Variants in STARD9 observed in about 807,000 individuals in gnomAD.
The protein encoded by STARD9 is stAR-related lipid transfer protein 9.
In STARD9, 346 loss-of-function variants were observed where a neutral mutation model predicts 399.8. That is an observed-to-expected ratio of 0.87 (90% CI 0.79 to 0.95). STARD9 has a LOEUF of 0.95. STARD9 is among the 40% of genes least tolerant of loss of function. The pLI is 0.00. For missense variants in STARD9, 5,832 were observed against 5,667.5 expected, an observed-to-expected ratio of 1.03 and a Z score of -0.93; for synonymous variants, 2,203 against 2,143.5, an observed-to-expected ratio of 1.03 and a Z score of -0.77.
chr15:42,659,969 A>G (rs2059961466), intron 9 of STARD9, among the ~76,000 whole-genome samples: 2 of 152,248 alleles, frequency 1.3e-5, no homozygotes, highest in African/African-American at 2.4e-5. Flanking sequence ...CAACCTGCAC[A>G]TCCATCAAAA....
rs61735127 is a variant in STARD9, at chr15:42,692,392, C to T, written c.10814C>T (p.Pro3605Leu). ...GCAGACTGTCTGAGGAGTAAGCCCC[C>T]CTTGGCCAAAGGAAGTGCTGCAGGT... ...GEADCLRSKP[P>L]LAKGSAAGPV... Residue 3605 changes from proline to leucine, a missense_variant, in exon 23 of 33, where the codon CCC (proline) becomes CTC (leucine). Transcript: ENST00000290607. The T allele has an allele frequency of 2.6e-6, 4 of 1,536,852 alleles. No individual in the cohort carries two copies. The highest frequency in any genetic ancestry group is 2.7e-5 in the African/African-American group (2 of 73,022).
At chr15:42,668,646 T>G (rs2060148422) in intron 15 of STARD9, among the ~76,000 whole-genome samples, 1 of 152,190 alleles carries the variant, frequency 6.6e-6, no homozygotes, top group Non-Finnish European at 1.5e-5. Flanking sequence ...CCATATAGTC[T>G]TAGTTCCACC....
Position 42,690,597 on chromosome 15 carries a change from A to G in STARD9, c.9019A>G (p.Met3007Val). 1 of 1,537,240 alleles carries G rather than the reference A, an allele frequency of 6.5e-7. No individual in the cohort carries two copies. The highest frequency in any genetic ancestry group is 8.7e-7 in the Non-Finnish European group (1 of 1,146,886). Residue 3007 changes from methionine to valine, a missense_variant, in exon 23 of 33, where the codon ATG becomes GTG. Coordinates refer to ENST00000290607, the MANE Select transcript of STARD9 (RefSeq NM_020759.3). The stretch of plus-strand genomic sequence containing the variant: ...TGTAGTACCTTCCAGGGCCTATGAA[A>G]TGGATGAGACAGGAGAGATCTCTAG... ...PCVVPSRAYE[M>V]DETGEISRGP...
chr15:42,616,613 C>A (rs962272512), intron 3 of STARD9, among the ~76,000 whole-genome samples: 1 of 152,010 alleles, frequency 6.6e-6, no homozygotes, highest in African/African-American at 2.4e-5. Flanking sequence ...AGAGAATGGC[C>A]GGGTGCAGTG....
intron 3 of STARD9, among the ~76,000 whole-genome samples, chr15:42,597,996 A>ATGTGTG (rs1267453797): frequency 0.012 from 542 of 43,882 alleles, 1 homozygote; most frequent in Middle Eastern, 0.043. Flanking sequence ...GTTTGTATAT[A>ATGTGTG]TATATGTGTG....
intron 13 of STARD9, among the ~76,000 whole-genome samples, chr15:42,664,450 A>G (rs2060050260): frequency 6.6e-6 from 1 of 152,106 alleles, no homozygotes; most frequent in Non-Finnish European, 1.5e-5. Context: ...TGCAGCTTCA[A>G]CCTCCAGGGC....
intron 26 of STARD9, among the ~76,000 whole-genome samples, chr15:42,709,513 C>T (rs2061165629): frequency 6.6e-6 from 1 of 152,136 alleles, no homozygotes; most frequent in African/African-American, 2.4e-5. Flanking sequence ...GGTGAAACCC[C>T]GTCTCCACTA....
intron 3 of STARD9, among the ~76,000 whole-genome samples, chr15:42,587,113 A>G (rs1401432556): frequency 6.6e-6 from 1 of 152,074 alleles, no homozygotes; most frequent in Non-Finnish European, 1.5e-5. Context: ...ACCTTGGCCT[A>G]CCAAAGTGCT....
intron 26 of STARD9, among the ~76,000 whole-genome samples, chr15:42,707,312 A>G (rs752318926): frequency 3.3e-5 from 5 of 152,226 alleles, no homozygotes; most frequent in Admixed American, 6.5e-5. Flanking sequence ...TTATTAAGGC[A>G]TTATTTGAAG....
Position 42,718,457 on chromosome 15 carries a change from C to G in STARD9, c.13785C>G (p.Thr4595=). ...CAGTGTACTTGGTGTGCAACACCAC[C>G]CTGTGCGCACTGAAGCAGCCACGGG... ...ISLVYLVCNT[T]LCALKQPRDF... Residue 4595 remains threonine (T), a synonymous_variant, in exon 31 of 33, where the codon ACC becomes ACG. Coordinates refer to ENST00000290607, the MANE Select transcript of STARD9 (RefSeq NM_020759.3). 6 of 1,537,146 alleles carry G rather than the reference C, an allele frequency of 3.9e-6. No individual in the cohort carries two copies. Among genetic ancestry groups the G allele is most frequent in the Non-Finnish European group, 4.4e-6 (5 of 1,146,844 alleles).
rs969137637 is a variant in STARD9 at position 42,684,868 on chromosome 15, A to G, written c.3290A>G (p.Asp1097Gly). ...GTAATGGATCATTCAAGAGAAAAAG[A>G]CAATGATTTATCTGACACAGATAGC... ...SPVMDHSREK[D>G]NDLSDTDSNY... Residue 1097 changes from aspartate to glycine, a missense_variant, in exon 23 of 33, where the codon GAC (aspartate) becomes GGC (glycine). Transcript: ENST00000290607. The G allele has an allele frequency of 5.9e-6, 9 of 1,537,040 alleles. No homozygotes were observed. Among genetic ancestry groups the G allele is most frequent in the Non-Finnish European group, 7.8e-6 (9 of 1,146,924 alleles).
chr15:42,626,017 G>A (rs1301215291), intron 3 of STARD9, among the ~76,000 whole-genome samples: 1 of 152,038 alleles, frequency 6.6e-6, no homozygotes, highest in Non-Finnish European at 1.5e-5. Context: ...TGCCTCCTAA[G>A]TTCGAGTTAT....
intron 9 of STARD9, among the ~76,000 whole-genome samples, chr15:42,660,817 C>T (rs2059980006): frequency 6.6e-6 from 1 of 151,986 alleles, no homozygotes; most frequent in African/African-American, 2.4e-5. Context: ...AGAGTCAGAG[C>T]CCCCTGGGAG....
At chr15:42,670,869 C>T (rs1357847801) in intron 16 of STARD9, 1 of 152,154 alleles carries the variant, frequency 6.6e-6, no homozygotes, top group East Asian at 1.9e-4. Flanking sequence ...AACTAAACAC[C>T]AAATGGCTGT....
chr15:42,717,660 C>A, intron 28 of STARD9, 71 bp from the exon 29 acceptor site: 3 of 1,350,570 alleles, frequency 2.2e-6, no homozygotes, highest in South Asian at 1.2e-5. Context: ...CAGATGCAGG[C>A]CAGACTGACT....
chr15:42,649,486 C>A (rs1381455465), intron 7 of STARD9, among the ~76,000 whole-genome samples: 1 of 151,914 alleles, frequency 6.6e-6, no homozygotes, highest in Non-Finnish European at 1.5e-5. Flanking sequence ...TCTCAGATAT[C>A]CATTTTATTA....
intron 3 of STARD9, among the ~76,000 whole-genome samples, chr15:42,613,970 GA>G (rs796629655): frequency 1.4e-5 from 2 of 145,024 alleles, no homozygotes; most frequent in East Asian, 2.0e-4. Context: ...ATCTCGGAAA[GA>G]AAAAAAAAAG....
intron 3 of STARD9, among the ~76,000 whole-genome samples, chr15:42,620,867 G>A (rs553608985): frequency 2.6e-5 from 4 of 152,162 alleles, no homozygotes; most frequent in Non-Finnish European, 4.4e-5. Context: ...CAGTTCTCCT[G>A]CCTCAGCTTC....
intron 3 of STARD9, among the ~76,000 whole-genome samples, chr15:42,615,926 CAA>C (rs2058954600): frequency 1.3e-5 from 2 of 151,948 alleles, no homozygotes; most frequent in South Asian, 2.1e-4. Context: ...AAAAATAAAA[CAA>C]AGACCACAAA....
Sources: gnomAD v4.1 joint callset for allele counts (sites outside exome capture counted in the v4.1 genomes callset) on GRCh38, gnomAD v4.1.1 for gene constraint, MANE v1.5 for transcripts, NCBI Gene and HGNC (gene_info 2026-07-23, HGNC 2026-07-21) for gene names.